The following ABCC6 variants were observed in gnomAD, a reference collection of about 807,000 sequenced individuals.
ABCC6 encodes the protein ATP-binding cassette sub-family C member 6.
ABCC6 carries 126 observed loss-of-function variants against 169.5 expected under a neutral mutation model. That is an observed-to-expected ratio of 0.74 (90% confidence interval 0.64 to 0.86). The LOEUF (loss-of-function observed/expected upper bound fraction) is 0.86, where lower values mean the gene tolerates loss of function less well. Among genes scored for constraint, ABCC6 ranks in the 40% least tolerant of loss-of-function variants. The probability of loss-of-function intolerance (pLI) is 0.00; values close to 1 mark genes in which losing one functional copy is unlikely to be tolerated. For synonymous variants in ABCC6, 752 were observed against 814.7 expected, an observed-to-expected ratio of 0.92 and a Z score of 1.31; for missense variants, 1,733 against 1,927.2, an observed-to-expected ratio of 0.90 and a Z score of 1.89.
At position 16,184,413 on chromosome 16, in the gene ABCC6, C is replaced by G. The variant is rs748306339; in HGVS notation, c.1943+546G>C. ...GTTTCCTTCGCCCTATCCCCAATACCTAGAACAGAGCGTGGCCCATACCTA... is the reference window on the plus strand; with the variant it reads ...GTTTCCTTCGCCCTATCCCCAATACGTAGAACAGAGCGTGGCCCATACCTA... On this transcript the variant is annotated intron_variant, in intron 15 of 30. Coordinates refer to ENST00000205557, the MANE Select transcript of ABCC6 (RefSeq NM_001171.6). Among the ~76,000 whole-genome samples, 36 of 152,014 alleles carry G rather than the reference C, an allele frequency of 2.4e-4. 1 individual carries two copies. Among genetic ancestry groups the G allele is most frequent in the Non-Finnish European group, 3.2e-4 (22 of 68,010 alleles).
At chr16:16,160,373 C>T (rs997126562) in intron 25 of ABCC6, among the ~76,000 whole-genome samples, 1 of 152,094 alleles carries the variant, frequency 6.6e-6, no homozygotes, top group Non-Finnish European at 1.5e-5. Flanking sequence ...CACAGTGGCT[C>T]ATGCCTATAA....
intron 27 of ABCC6, chr16:16,155,320 C>A: frequency 1.9e-6 from 1 of 540,170 alleles, no homozygotes. Flanking sequence ...CTATTTACAC[C>A]TCTCCATCAT....
At chr16:16,215,340 C>T (rs576272548) in intron 4 of ABCC6, among the ~76,000 whole-genome samples, 1 of 152,264 alleles carries the variant, frequency 6.6e-6, no homozygotes, top group African/African-American at 2.4e-5. Flanking sequence ...GCTGCCACAC[C>T]ACAATGATTT....
At chr16:16,161,403 G>A (rs2046711536) in intron 25 of ABCC6, 35 bp downstream of exon 25, 1 of 1,613,260 alleles carries the variant, frequency 6.2e-7, no homozygotes, top group Admixed American at 1.7e-5. Flanking sequence ...GCCTCTGTCT[G>A]TCCCTCAAGC....
chr16:16,187,000 G>T (rs1027454651), intron 14 of ABCC6, 124 bp downstream of exon 14: 1 of 799,376 alleles, frequency 1.3e-6, no homozygotes, highest in Admixed American at 2.0e-5. Flanking sequence ...TGATCTGCAC[G>T]TGTCATCCAT....
chr16:16,159,642 GC>G (rs977265866), intron 25 of ABCC6, 59 bp from the exon 26 acceptor site: 1 of 1,518,356 alleles, frequency 6.6e-7, no homozygotes. Context: ...GCTTGCAACA[GC>G]CCCCCTGGTT....
At position 16,182,591 on chromosome 16, in the gene ABCC6, A is replaced by G. The variant is rs755035157; in HGVS notation, c.2071-3T>C. ...TGGGGCACGTAGGCCACAGCACCCT[A>G]AAACACAACTTACTTTGGTCACAGG... On this transcript the variant is annotated splice_polypyrimidine_tract_variant and splice_region_variant and intron_variant, in intron 16 of 30. Transcript: ENST00000205557. 6.2e-7 allele frequency: 1 copy of G among 1,611,724 alleles called. No homozygotes were observed. The highest frequency in any genetic ancestry group is 2.2e-5 in the East Asian group (1 of 44,778).
rs1020931324 is a variant in ABCC6, at chr16:16,163,004, C to T, written c.3495G>A (p.Leu1165=). 31 of 1,613,996 alleles carry T rather than the reference C, an allele frequency of 1.9e-5. 1 individual carries two copies. The Admixed American group carries it at 5.0e-4, about 26-fold the overall frequency. Reference sequence around the variant, plus strand: ...CTGGCTCTTCCTACCTGTCAGCCACCAGTCGCGGGAAACTGATCCTCTGGC... The same window carrying T: ...CTGGCTCTTCCTACCTGTCAGCCACTAGTCGCGGGAAACTGATCCTCTGGC... ...DESQRISFPR[L]VADRWLAANV... The change falls in exon 24 of 31, where the codon CTG becomes CTA. Residue 1165 remains leucine (L), a synonymous_variant. Coordinates refer to ENST00000205557, the MANE Select transcript of ABCC6 (RefSeq NM_001171.6).
At chr16:16,188,032 G>C (rs2047711344) in intron 13 of ABCC6, among the ~76,000 whole-genome samples, 1 of 151,902 alleles carries the variant, frequency 6.6e-6, no homozygotes, top group African/African-American at 2.4e-5. Context: ...GGGGGTTCAA[G>C]ACCAGCCTGG....
chr16:16,204,294 G>C (rs1031390351), intron 7 of ABCC6, among the ~76,000 whole-genome samples: 2 of 152,184 alleles, frequency 1.3e-5, no homozygotes, highest in African/African-American at 4.8e-5. Context: ...GACCTGAGGT[G>C]ATCTGCTCGC....
At chr16:16,171,784 G>T (rs997247463) in intron 21 of ABCC6, among the ~76,000 whole-genome samples, 1 of 152,058 alleles carries the variant, frequency 6.6e-6, no homozygotes, top group Non-Finnish European at 1.5e-5. Flanking sequence ...ATGGATAAAT[G>T]AGTGGATGGG....
At chr16:16,192,345 C>G (rs1277489799) in intron 11 of ABCC6, among the ~76,000 whole-genome samples, 1 of 152,066 alleles carries the variant, frequency 6.6e-6, no homozygotes. Context: ...TTGGCTCAGT[C>G]TGAGGAAAAT....
At chr16:16,192,015 A>G (rs983026843) in intron 11 of ABCC6, among the ~76,000 whole-genome samples, 1 of 152,126 alleles carries the variant, frequency 6.6e-6, no homozygotes, top group African/African-American at 2.4e-5. Flanking sequence ...TGTGGGGGGA[A>G]AAAAGCAAAA....
intron 17 of ABCC6, 25 bp from the exon 18 acceptor site, chr16:16,178,990 C>A: frequency 6.2e-7 from 1 of 1,609,538 alleles, no homozygotes; most frequent in Non-Finnish European, 8.5e-7. Context: ...GGAACAGTGG[C>A]CTGAGTCAGC....
chr16:16,163,313 G>A (rs1396149659), intron 23 of ABCC6, 121 bp from the exon 24 acceptor site: 3 of 926,504 alleles, frequency 3.2e-6, no homozygotes, highest in African/African-American at 1.6e-5. Context: ...AGCTTACTGT[G>A]TGACCTTGGG....
At chr16:16,156,511 TGA>T (rs898102865) in intron 27 of ABCC6, among the ~76,000 whole-genome samples, 1 of 152,068 alleles carries the variant, frequency 6.6e-6, no homozygotes, top group Admixed American at 6.5e-5. Context: ...GAGCAATGAA[TGA>T]GAGGGGGAGG....
intron 22 of ABCC6, among the ~76,000 whole-genome samples, chr16:16,167,561 C>G (rs978917443): frequency 3.9e-5 from 6 of 152,176 alleles, no homozygotes; most frequent in African/African-American, 1.2e-4. Flanking sequence ...ACCCCACCTC[C>G]CAGGTTCAAG....
chr16:16,165,893 A>G lies in ABCC6; in HGVS notation c.3036T>C (p.Gly1012=). ...AGAGCAACCTGGATGCCCGGGCCCC[A>G]CCTAGGAGCACCGCAGCCATGGAGG... ...LFASMAAVLL[G]GARASRLLFQ... Residue 1012 remains glycine, a synonymous_variant, in exon 23 of 31, where the codon GGT becomes GGC. Coordinates refer to ENST00000205557, the MANE Select transcript of ABCC6 (RefSeq NM_001171.6). The G allele has an allele frequency of 1.2e-6, 2 of 1,613,032 alleles. No individual in the cohort carries two copies. The highest frequency in any genetic ancestry group is 1.7e-6 in the Non-Finnish European group (2 of 1,179,968).
chr16:16,158,204 A>G (rs1250823973), intron 26 of ABCC6, among the ~76,000 whole-genome samples: 1 of 152,164 alleles, frequency 6.6e-6, no homozygotes, highest in African/African-American at 2.4e-5. Flanking sequence ...TCTGGGAAAT[A>G]GGGCTAATAA....
Sources: gnomAD v4.1 joint callset for allele counts (sites outside exome capture counted in the v4.1 genomes callset) on GRCh38, gnomAD v4.1.1 for gene constraint, MANE v1.5 for transcripts, NCBI Gene and HGNC (gene_info 2026-07-23, HGNC 2026-07-21) for gene names.